The following CCDC192 variants were observed in gnomAD, a reference collection of about 807,000 sequenced individuals.
CCDC192 encodes the protein coiled-coil domain containing 192, also known as coiled-coil domain-containing protein 192.
intron 2 of CCDC192, chr5:127,739,731 G>C (rs1254097675): frequency 2.6e-5 from 4 of 152,626 alleles, no homozygotes; most frequent in African/African-American, 9.6e-5. Context: ...GACTCAGAAA[G>C]GGAACTCCCT....
intron 3 of CCDC192, among the ~76,000 whole-genome samples, chr5:127,793,099 C>T (rs1460196599): frequency 6.6e-6 from 1 of 152,014 alleles, no homozygotes. Context: ...ATGCAATATA[C>T]CCATGTAACA....
chr5:127,755,903 C>G (rs891628169), intron 3 of CCDC192, among the ~76,000 whole-genome samples: 11 of 151,692 alleles, frequency 7.3e-5, no homozygotes, highest in African/African-American at 2.7e-4. Flanking sequence ...GAGGCTGAGG[C>G]GGGTGGATCA....
At chr5:127,904,552 G>A (rs530137330) in intron 6 of CCDC192, among the ~76,000 whole-genome samples, 1 of 147,562 alleles carries the variant, frequency 6.8e-6, no homozygotes, top group African/African-American at 2.5e-5. Flanking sequence ...GCCCAGGCTG[G>A]AATGAAGTGG....
chr5:127,788,181 A>C (rs748962814), intron 3 of CCDC192, among the ~76,000 whole-genome samples: 1 of 151,204 alleles, frequency 6.6e-6, no homozygotes, highest in Non-Finnish European at 1.5e-5. Flanking sequence ...TAGTTGCTTC[A>C]TGTATTTTGG....
chr5:127,719,137 G>T (rs991082454), intron 2 of CCDC192, among the ~76,000 whole-genome samples: 2 of 152,020 alleles, frequency 1.3e-5, no homozygotes, highest in African/African-American at 4.8e-5. Flanking sequence ...AAAAATAAGT[G>T]ACAGCATGCA....
chr5:127,861,776 T>A (rs1751384309), intron 5 of CCDC192, among the ~76,000 whole-genome samples: 1 of 152,224 alleles, frequency 6.6e-6, no homozygotes, highest in African/African-American at 2.4e-5. Context: ...TGAGGTGATT[T>A]AAAAAATCCC....
In CCDC192 at chr5:127,858,338, C is replaced by T. The variant is rs112320157; in HGVS notation, c.412-17200C>T. On this transcript the variant is annotated intron_variant, in intron 5 of 6. Coordinates refer to ENST00000514853, the MANE Select transcript of CCDC192 (RefSeq NM_001317938.2). ...CACCATTTCTCTTTCCATTGCAAGACCTTTACACACAGTGTTTCCTCTGCC... is the reference window on the plus strand; with the variant it reads ...CACCATTTCTCTTTCCATTGCAAGATCTTTACACACAGTGTTTCCTCTGCC... 3.9e-3 allele frequency among the ~76,000 whole-genome samples: 594 copies of T among 152,268 alleles called. 2 individuals are homozygous for T. Among genetic ancestry groups the T allele is most frequent in the African/African-American group, 0.013 (556 of 41,548 alleles).
intron 6 of CCDC192, among the ~76,000 whole-genome samples, chr5:127,897,993 T>C (rs1178796368): frequency 6.6e-6 from 1 of 152,226 alleles, no homozygotes; most frequent in Admixed American, 6.5e-5. Context: ...TTTGGCTTTA[T>C]GATTAACATA....
chr5:127,837,610 A>G (rs1435284210), intron 5 of CCDC192, among the ~76,000 whole-genome samples: 2 of 152,212 alleles, frequency 1.3e-5, no homozygotes, highest in African/African-American at 4.8e-5. Context: ...CAGGGATTAC[A>G]CTTCACTATG....
intron 5 of CCDC192, among the ~76,000 whole-genome samples, chr5:127,842,031 C>T (rs1750314178): frequency 6.6e-6 from 1 of 152,132 alleles, no homozygotes; most frequent in Admixed American, 6.5e-5. Flanking sequence ...AAGGGGGAGC[C>T]ACCACTTAGC....
intron 2 of CCDC192, among the ~76,000 whole-genome samples, chr5:127,715,019 T>G (rs1009156490): frequency 6.6e-6 from 1 of 152,150 alleles, no homozygotes; most frequent in Non-Finnish European, 1.5e-5. Flanking sequence ...ATATTCTGGT[T>G]ATTAACGCCT....
intron 3 of CCDC192, among the ~76,000 whole-genome samples, chr5:127,766,523 A>G (rs371875500): frequency 9.0e-5 from 13 of 144,428 alleles, no homozygotes; most frequent in African/African-American, 2.6e-4. Flanking sequence ...TGTGGATTCT[A>G]TTCTATTCTT....
chr5:127,819,470 T>C (rs1216176449), intron 5 of CCDC192, among the ~76,000 whole-genome samples: 5 of 152,130 alleles, frequency 3.3e-5, no homozygotes, highest in Non-Finnish European at 7.4e-5. Context: ...AGGTTGCCTT[T>C]ATCTGGCAGG....
At chr5:127,910,475 A>G (rs1753315019) in intron 6 of CCDC192, among the ~76,000 whole-genome samples, 1 of 152,202 alleles carries the variant, frequency 6.6e-6, no homozygotes, top group Admixed American at 6.5e-5. Context: ...GATTGGTGCA[A>G]TATAAAAGGA....
chr5:127,880,760 G>T (rs540944338), intron 6 of CCDC192, among the ~76,000 whole-genome samples: 12 of 151,836 alleles, frequency 7.9e-5, no homozygotes, highest in African/African-American at 2.9e-4. Flanking sequence ...TGGATGGATC[G>T]CCTGAGATCA....
intron 6 of CCDC192, among the ~76,000 whole-genome samples, chr5:127,919,980 A>G (rs1753662731): frequency 6.6e-6 from 1 of 152,208 alleles, no homozygotes; most frequent in Non-Finnish European, 1.5e-5. Flanking sequence ...GCACATCATT[A>G]TACTTCCTCT....
At chr5:127,741,251 C>T (rs760882923) in intron 2 of CCDC192, among the ~76,000 whole-genome samples, 1 of 151,972 alleles carries the variant, frequency 6.6e-6, no homozygotes, top group Admixed American at 6.6e-5. Context: ...TTTGCAGAGA[C>T]GAGGTCTCAC....
At chr5:127,931,253 A>C (rs1195915396) in intron 6 of CCDC192, among the ~76,000 whole-genome samples, 2 of 152,172 alleles carry the variant, frequency 1.3e-5, no homozygotes, top group Non-Finnish European at 2.9e-5. Flanking sequence ...AAGGAAATAG[A>C]TCTATTCATC....
intron 2 of CCDC192, among the ~76,000 whole-genome samples, chr5:127,751,644 G>A (rs2126866366): frequency 1.3e-5 from 2 of 152,234 alleles, no homozygotes; most frequent in East Asian, 1.9e-4. Context: ...TATATTTCCT[G>A]AATCTGAACG....
Sources: allele counts gnomAD v4.1 joint callset (sites outside exome capture counted in the v4.1 genomes callset), GRCh38; gene constraint gnomAD v4.1.1; transcripts MANE v1.5; gene names NCBI Gene and HGNC (gene_info 2026-07-23, HGNC 2026-07-21).